KRT1: variants seen among roughly 807,000 people sequenced by gnomAD.
KRT1 encodes keratin 1.
A neutral mutation model predicts 51.6 loss-of-function variants in KRT1; 28 were observed. The ratio of observed to expected loss-of-function variants is 0.54; its 90% CI spans 0.40 to 0.74. The LOEUF is 0.74. Among genes scored for constraint, KRT1 ranks in the 30% least tolerant of loss-of-function variants. KRT1 has a pLI of 0.00. For synonymous variants in KRT1, 301 were observed against 307.7 expected (o/e 0.98, Z 0.23); for missense variants, 783 against 815.5 (o/e 0.96, Z 0.49).
Position 52,677,077 on chromosome 12 carries a change from G to C in KRT1, c.1236C>G (p.Ile412Met). The C allele has an allele frequency of 6.2e-7, 1 of 1,613,614 alleles. No homozygotes were observed. Among genetic ancestry groups the C allele is most frequent in the Non-Finnish European group, 8.5e-7 (1 of 1,180,032 alleles). The change falls in exon 6 of 9, where the codon ATC (isoleucine) becomes ATG (methionine). Residue 412 changes from isoleucine (I) to methionine (M), a missense_variant. Physicochemically the swap from Ile to Met is conservative, Grantham distance 10 (BLOSUM62 1). Coordinates refer to ENST00000252244, the MANE Select transcript of KRT1 (RefSeq NM_006121.4). ...CACATACCTGCTTCTTGACATTGTC[G>C]ATTTCAGATCTAAGTCTCTGGATCA... ...NRVIQRLRSEIDNVKKQISNL... is the reference protein window; with the variant it reads ...NRVIQRLRSEMDNVKKQISNL...
rs1405645100 is a variant in KRT1, at chr12:52,675,621, C to T, written c.1511-4G>A. On this transcript the variant is annotated splice_polypyrimidine_tract_variant and splice_region_variant and intron_variant, in intron 8 of 8. Coordinates refer to ENST00000252244, the MANE Select transcript of KRT1 (RefSeq NM_006121.4). ...GTGGTGTGGCTTGTGCTCACAGCTGCAAGAGGAAGCTCAGTTATTTTCAAC... is the reference window on the plus strand; with the variant it reads ...GTGGTGTGGCTTGTGCTCACAGCTGTAAGAGGAAGCTCAGTTATTTTCAAC... 6.2e-7 allele frequency: 1 copy of T among 1,614,236 alleles called. No homozygotes were observed. Among genetic ancestry groups the T allele is most frequent in the Non-Finnish European group, 8.5e-7 (1 of 1,180,046 alleles).
At chr12:52,679,723 G>T (rs766418051) in intron 1 of KRT1, 35 bp downstream of exon 1, 2 of 1,578,868 alleles carry the variant, frequency 1.3e-6, no homozygotes, top group South Asian at 2.2e-5. Flanking sequence ...GTGGACCAGC[G>T]GCAGCCCTAC....
chr12:52,675,645 A>G, intron 8 of KRT1, 28 bp from the exon 9 acceptor site: 4 of 1,614,092 alleles, frequency 2.5e-6, no homozygotes, highest in Non-Finnish European at 3.4e-6. Flanking sequence ...GTTATTTTCA[A>G]CCTCAACTCC....
chr12:52,678,894 A>G lies in KRT1; in HGVS notation c.592-138T>C, dbSNP rs754887437. 20 of 814,902 alleles carry G rather than the reference A, an allele frequency of 2.5e-5. No homozygotes were observed. The Admixed American group carries it at 2.5e-4, about 10-fold the overall frequency. 50.5% of individuals were successfully genotyped at this position (814,902 alleles called of 1,614,324 possible). On this transcript the variant is annotated intron_variant, in intron 1 of 8. Coordinates refer to ENST00000252244, the MANE Select transcript of KRT1 (RefSeq NM_006121.4). Reference sequence around the variant, plus strand: ...GAAATAGGAAGAAGATGATCAAGTTAATATCATCTGCATAATAAAACCCAA... The same window carrying G: ...GAAATAGGAAGAAGATGATCAAGTTGATATCATCTGCATAATAAAACCCAA...
chr12:52,675,024 C>G lies in KRT1; in HGVS notation c.*169G>C. 1.0e-6 allele frequency: 1 copy of G among 953,920 alleles called. No homozygotes were observed. The highest frequency in any genetic ancestry group is 1.7e-6 in the Non-Finnish European group (1 of 595,650). The allele number at this position is 953,920 out of a possible 1,614,324, so 59.1% of individuals were successfully genotyped here. ...GAGATTGCCACTGATCTGAAAACTT[C>G]ATTGGGAAACAGCAGAAAAGAAAGA... On this transcript the variant is annotated 3_prime_UTR_variant, in exon 9 of 9. Coordinates refer to ENST00000252244, the MANE Select transcript of KRT1 (RefSeq NM_006121.4).
rs755676117 is a variant in KRT1, at chr12:52,675,350, C to T, written c.1778G>A (p.Gly593Asp). Residue 593 changes from glycine to aspartate, a missense_variant, in exon 9 of 9, where the codon GGC (glycine) becomes GAC (aspartate). Gly to Asp is a moderately conservative substitution (Grantham distance 94). Coordinates refer to ENST00000252244, the MANE Select transcript of KRT1 (RefSeq NM_006121.4). ...GCCGCCAGAGCTGCCGCCGCCGCCG[C>T]CTCCAGAGCCACCTCTGTAGCCCCC... ...SSGGYRGGSG[G>D]GGGGSSGGRG... is the part of the protein sequence containing the mutation. The T allele has an allele frequency of 1.3e-5, 21 of 1,610,662 alleles. No homozygotes were observed. In the Admixed American group the frequency reaches 3.5e-4, roughly 27 times the overall value.
At chr12:52,678,293 A>G in intron 2 of KRT1, 70 bp from the exon 3 acceptor site, 1 of 1,496,488 alleles carries the variant, frequency 6.7e-7, no homozygotes, top group Non-Finnish European at 9.3e-7. Flanking sequence ...TCTAAACTAA[A>G]GGTGGCATTG....
At position 52,677,232 on chromosome 12, in the gene KRT1, G is replaced by C. The variant is rs1325413158; in HGVS notation, c.1129-48C>G. Reference sequence around the variant, plus strand: ...GTTAAATGTAGGCAGAACTCAGCATGGCACAGGCACACATACATGAGATAA... The same window carrying C: ...GTTAAATGTAGGCAGAACTCAGCATCGCACAGGCACACATACATGAGATAA... On this transcript the variant is annotated intron_variant, in intron 5 of 8. Coordinates refer to ENST00000252244, the MANE Select transcript of KRT1 (RefSeq NM_006121.4). 2 of 1,614,162 alleles carry C rather than the reference G, an allele frequency of 1.2e-6. 1 individual carries two copies. The highest frequency in any genetic ancestry group is 2.2e-5 in the South Asian group (2 of 91,086).
chr12:52,677,705 G>A lies in KRT1; in HGVS notation c.908C>T (p.Ala303Val). The part of the protein sequence containing the change: ...GAYMTKVDLQ[A>V]KLDNLQQEID... Reference sequence around the variant, plus strand: ...TTCCTGCTGCAAGTTGTCAAGTTTGGCCTGAAGGTCCACCTTGGTCATATA... The same window carrying A: ...TTCCTGCTGCAAGTTGTCAAGTTTGACCTGAAGGTCCACCTTGGTCATATA... The change falls in exon 4 of 9, where the codon GCC becomes GTC. Residue 303 changes from alanine to valine, a missense_variant. Transcript: ENST00000252244. 3 of 1,614,174 alleles carry A rather than the reference G, an allele frequency of 1.9e-6. No individual in the cohort carries two copies. The South Asian group carries it at 3.3e-5, about 18-fold the overall frequency.
At position 52,679,851 on chromosome 12, in the gene KRT1, A is replaced by T; in HGVS notation, c.498T>A (p.Asn166Lys). The change falls in exon 1 of 9, where the codon AAT (asparagine) becomes AAA (lysine). Residue 166 changes from asparagine (N) to lysine (K), a missense_variant. By Grantham distance (94) the Asn-to-Lys change is moderately conservative. Transcript: ENST00000252244. ...TINQSLLQPL[N>K]VEIDPEIQKV... ...TTTGGATCTCAGGGTCAATCTCCAC[A>T]TTGAGGGGCTGAAGAAGGCTCTGGT... The T allele has an allele frequency of 6.2e-7, 1 of 1,614,142 alleles. No individual in the cohort carries two copies. The highest frequency in any genetic ancestry group is 1.1e-5 in the South Asian group (1 of 91,084).
rs763965680 is a variant in KRT1, at chr12:52,675,161, G to T, written c.*32C>A. ...CATATTTGTTAGTGATGCTGGGGGA[G>T]AACTAGAGCTAATGAAACAGAGGGC... On this transcript the variant is annotated 3_prime_UTR_variant, in exon 9 of 9. Transcript: ENST00000252244. 7.4e-6 allele frequency: 12 copies of T among 1,611,592 alleles called. No individual in the cohort carries two copies. In the Middle Eastern group the frequency reaches 2.1e-3, roughly 279 times the overall value.
At chr12:52,676,569 C>A (rs964489772) in intron 6 of KRT1, 74 bp from the exon 7 acceptor site, 9 of 1,461,904 alleles carry the variant, frequency 6.2e-6, no homozygotes, top group Admixed American at 5.5e-5. Context: ...GGTCTCCCCA[C>A]TCCAGTGAGG....
Position 52,678,695 on chromosome 12 carries a change from A to C in KRT1, c.653T>G (p.Val218Gly). The C allele has an allele frequency of 6.2e-7, 1 of 1,614,146 alleles. No individual in the cohort carries two copies. Among genetic ancestry groups the C allele is most frequent in the South Asian group, 1.1e-5 (1 of 91,072 alleles). Residue 218 changes from valine (V) to glycine (G), a missense_variant, in exon 2 of 9, where the codon GTA becomes GGA. Physicochemically the swap from Val to Gly is moderately radical, Grantham distance 109. Coordinates refer to ENST00000252244, the MANE Select transcript of KRT1 (RefSeq NM_006121.4). Reference protein sequence around the residue: ...LQTKWELLQQVDTSTRTHNLE... With the variant: ...LQTKWELLQQGDTSTRTHNLE... ...ATTATGGGTTCTAGTGGAGGTATCT[A>C]CCTGCTGCAGCAGCTCCCATTTTGT...
In KRT1 at chr12:52,674,789, C is replaced by A; in HGVS notation, c.*404G>T. ...AACAAGGAAATGGGGAGTTTAAGACCTCTCCACAAAAGAAAAACAACTTGC... is the reference window on the plus strand; with the variant it reads ...AACAAGGAAATGGGGAGTTTAAGACATCTCCACAAAAGAAAAACAACTTGC... On this transcript the variant is annotated 3_prime_UTR_variant, in exon 9 of 9. Coordinates refer to ENST00000252244, the MANE Select transcript of KRT1 (RefSeq NM_006121.4). 1 of 289,262 alleles carries A rather than the reference C, an allele frequency of 3.5e-6. No homozygotes were observed. The allele number at this position is 289,262 out of a possible 1,614,324, so 17.9% of individuals were successfully genotyped here. A position where few individuals can be genotyped will look rare whatever the true frequency, so the allele number is the denominator to read the frequency against.
At chr12:52,678,108 A>T (rs1941537595) in intron 3 of KRT1, 55 bp downstream of exon 3, 2 of 1,542,648 alleles carry the variant, frequency 1.3e-6, no homozygotes, top group South Asian at 1.1e-5. Flanking sequence ...GTAATTGGAG[A>T]CCCTCTTCCC....
In KRT1 at chr12:52,677,306, G is replaced by A. The variant is rs1414726521; in HGVS notation, c.1128+10C>T. 1 of 1,614,212 alleles carries A rather than the reference G, an allele frequency of 6.2e-7. No homozygotes were observed. Among genetic ancestry groups the A allele is most frequent in the Non-Finnish European group, 8.5e-7 (1 of 1,180,034 alleles). Reference sequence around the variant, plus strand: ...TTCAGGGAAACTGGCTAGGCTTTCAGCCCACTCACCTTGCTCTGGTACAAG... The same window carrying A: ...TTCAGGGAAACTGGCTAGGCTTTCAACCCACTCACCTTGCTCTGGTACAAG... On this transcript the variant is annotated intron_variant, in intron 5 of 8. Transcript: ENST00000252244.
chr12:52,679,072 C>A (rs1188956195), intron 1 of KRT1, among the ~76,000 whole-genome samples: 1 of 152,146 alleles, frequency 6.6e-6, no homozygotes, highest in East Asian at 1.9e-4. Flanking sequence ...ACCATAAAAA[C>A]TGGTTTGCAT....
rs1941501690 is a variant in KRT1 at position 52,676,299 on chromosome 12, G to A, written c.1451C>T (p.Thr484Ile). ...ALDLEIATYR[T>I]LLEGEESRMS... The stretch of plus-strand genomic sequence containing the variant: ...CCTGCTTTCTTCTCCCTCCAGGAGG[G>A]TCCTGTAGGTGGCAATCTCCAGATC... Residue 484 changes from threonine (T) to isoleucine (I), a missense_variant, in exon 7 of 9, where the codon ACC becomes ATC. Transcript: ENST00000252244. The A allele has an allele frequency of 1.2e-6, 2 of 1,614,036 alleles. No homozygotes were observed. The highest frequency in any genetic ancestry group is 1.7e-6 in the Non-Finnish European group (2 of 1,179,964).
In KRT1 at chr12:52,677,126, A is replaced by G. The variant is rs771032423; in HGVS notation, c.1187T>C (p.Ile396Thr). 6.2e-7 allele frequency: 1 copy of G among 1,614,148 alleles called. No individual in the cohort carries two copies. Among genetic ancestry groups the G allele is most frequent in the East Asian group, 2.2e-5 (1 of 44,888 alleles). The change falls in exon 6 of 9, where the codon ATA becomes ACA. Residue 396 changes from isoleucine (I) to threonine (T), a missense_variant. Ile to Thr is a moderately conservative substitution (Grantham distance 89). Transcript: ENST00000252244. ...CACACGATTCAGCTCAGAAATTTCT[A>G]TCTTTGAATTTCTCACACTATCCCC... is the stretch of plus-strand genomic sequence containing the variant. ...RHGDSVRNSK[I>T]EISELNRVIQ...
Sources: allele counts gnomAD v4.1 joint callset (sites outside exome capture counted in the v4.1 genomes callset), GRCh38; gene constraint gnomAD v4.1.1; transcripts MANE v1.5; gene names NCBI Gene and HGNC (gene_info 2026-07-23, HGNC 2026-07-21).